Variants in CORO7 observed in about 807,000 individuals in gnomAD.
CORO7 encodes coronin-7.
Under a neutral mutation model 126.6 loss-of-function variants are expected in CORO7, and 107 were observed. The ratio of observed to expected loss-of-function variants is 0.85; its 90% CI spans 0.72 to 0.99. CORO7 has a LOEUF of 0.99. Among genes scored for constraint, CORO7 ranks in the 50% least tolerant of loss-of-function variants. CORO7 has a pLI of 0.00. For synonymous variants in CORO7, 603 were observed against 536.8 expected (o/e 1.12, Z -1.70); for missense variants, 1,314 against 1,255.8 (o/e 1.05, Z -0.70).
intron 9 of CORO7, among the ~76,000 whole-genome samples, chr16:4,387,488 G>C (rs1357873691): frequency 6.6e-6 from 1 of 151,888 alleles, no homozygotes; most frequent in Non-Finnish European, 1.5e-5. Context: ...TGTGGAGTAG[G>C]CCGCATAAAC....
intron 9 of CORO7, among the ~76,000 whole-genome samples, chr16:4,386,678 C>T (rs1279802650): frequency 2.0e-5 from 3 of 152,196 alleles, no homozygotes; most frequent in African/African-American, 7.2e-5. Flanking sequence ...CTCTTACCCT[C>T]CATATGGCTT....
chr16:4,362,883 G>T lies in CORO7; in HGVS notation c.1276-145C>A. ...GTGGGCATGCGACAGGAGCGGCGGGGGGCACGGGCATAAACGCAGACACAC... is the reference window on the plus strand; with the variant it reads ...GTGGGCATGCGACAGGAGCGGCGGGTGGCACGGGCATAAACGCAGACACAC... On this transcript the variant is annotated intron_variant, in intron 14 of 27. Transcript: ENST00000251166. The surrounding 1 kb of genome is among the most constrained non-coding windows in gnomAD (Gnocchi z 5.3). 1 of 970,652 alleles carries T rather than the reference G, an allele frequency of 1.0e-6. No homozygotes were observed. Among genetic ancestry groups the T allele is most frequent in the South Asian group, 4.4e-5 (1 of 22,748 alleles). The allele number at this position is 970,652 out of a possible 1,614,324, so 60.1% of individuals were successfully genotyped here. A position where few individuals can be genotyped will look rare whatever the true frequency, so the allele number is the denominator to read the frequency against.
At chr16:4,403,838 G>C (rs900957744) in intron 6 of CORO7, among the ~76,000 whole-genome samples, 1 of 152,204 alleles carries the variant, frequency 6.6e-6, no homozygotes, top group Non-Finnish European at 1.5e-5. Flanking sequence ...GTCCTGCTGA[G>C]ACTACCCAGG....
At chr16:4,411,885 C>A (rs916599383) in intron 3 of CORO7, among the ~76,000 whole-genome samples, 1 of 151,760 alleles carries the variant, frequency 6.6e-6, no homozygotes, top group Admixed American at 6.6e-5. Context: ...GGCTGCTGGA[C>A]GCCCCCAGAA....
chr16:4,415,951 G>T, intron 1 of CORO7: 3 of 948,438 alleles, frequency 3.2e-6, no homozygotes, highest in Non-Finnish European at 3.8e-6. Flanking sequence ...ACCCGAGGGA[G>T]GGGCGCGTGC....
Position 4,360,879 on chromosome 16 carries a change from C to T in CORO7, c.1917+64G>A, listed in dbSNP as rs559036057. The T allele has an allele frequency of 1.4e-5, 5 of 345,394 alleles. 1 individual carries two copies. In the Admixed American group the frequency reaches 2.5e-4, roughly 18 times the overall value. The allele number at this position is 345,394 out of a possible 1,614,324, so 21.4% of individuals were successfully genotyped here. ...CCCCGCCACTCCTCACTGCTGGCCC[C>T]ACCTCTCCACACTGCTGGCCCCGCC... On this transcript the variant is annotated intron_variant, in intron 19 of 27. Transcript: ENST00000251166.
Position 4,415,785 on chromosome 16 carries a change from C to T in CORO7, c.60+674G>A, listed in dbSNP as rs919471935. On this transcript the variant is annotated intron_variant, in intron 1 of 27. Coordinates refer to ENST00000251166, the MANE Select transcript of CORO7 (RefSeq NM_024535.5). ...GCGCACCCCTCATCAGTCCTCCTGC[C>T]GTTTCGGGGGTCCGAAGGGTCTCCC... 2.8e-5 allele frequency: 28 copies of T among 985,504 alleles called. No homozygotes were observed. The African/African-American group carries it at 4.2e-4, about 15-fold the overall frequency. The allele number at this position is 985,504 out of a possible 1,614,324, so 61.0% of individuals were successfully genotyped here. A position where few individuals can be genotyped will look rare whatever the true frequency, so the allele number is the denominator to read the frequency against.
At chr16:4,407,047 G>C (rs1457778708) in intron 5 of CORO7, among the ~76,000 whole-genome samples, 1 of 151,708 alleles carries the variant, frequency 6.6e-6, no homozygotes, top group African/African-American at 2.4e-5. Context: ...TCCTGGGTTG[G>C]AGCAATACTC....
intron 14 of CORO7, among the ~76,000 whole-genome samples, chr16:4,363,661 G>A (rs1328267821): frequency 6.6e-6 from 1 of 152,094 alleles, no homozygotes; most frequent in Non-Finnish European, 1.5e-5. Flanking sequence ...GCAGTGAGCC[G>A]AGATCGCACC....
chr16:4,410,043 A>C (rs1034482902), intron 3 of CORO7, among the ~76,000 whole-genome samples: 4 of 152,148 alleles, frequency 2.6e-5, no homozygotes, highest in African/African-American at 9.6e-5. Context: ...TCCAGCTTCT[A>C]CTTGAAGAGC....
At chr16:4,381,167 A>T (rs764007754) in intron 9 of CORO7, 4 of 1,611,604 alleles carry the variant, frequency 2.5e-6, no homozygotes, top group East Asian at 2.2e-5. Context: ...GGGGTCTTCC[A>T]GCCACTCGCC....
chr16:4,415,567 C>G (rs973983031), intron 1 of CORO7: 1 of 271,346 alleles, frequency 3.7e-6, no homozygotes, highest in Non-Finnish European at 5.6e-6. Flanking sequence ...CAGCTTAGCA[C>G]AGCATAAAGT....
intron 6 of CORO7, chr16:4,397,288 CAAA>C (rs1257309713): frequency 6.9e-6 from 1 of 145,652 alleles, no homozygotes; most frequent in Non-Finnish European, 1.5e-5. Flanking sequence ...ACCAAAAATA[CAAA>C]AATTAACCGG....
At chr16:4,366,372 G>A (rs2054347564) in intron 9 of CORO7, among the ~76,000 whole-genome samples, 1 of 152,000 alleles carries the variant, frequency 6.6e-6, no homozygotes, top group Non-Finnish European at 1.5e-5. Context: ...CGGGCTTTAT[G>A]CCTCCCTCCC....
chr16:4,381,972 G>T, intron 9 of CORO7: 1 of 1,608,232 alleles, frequency 6.2e-7, no homozygotes, highest in Non-Finnish European at 8.5e-7. Context: ...GGCCCGTGGT[G>T]CGGGAGCCCA....
At chr16:4,371,904 G>C (rs1320227702) in intron 9 of CORO7, 1 of 152,076 alleles carries the variant, frequency 6.6e-6, no homozygotes, top group Non-Finnish European at 1.5e-5. Flanking sequence ...AGTTGCTTCG[G>C]GACCCAGGAC....
At chr16:4,408,316 C>A (rs1220580550) in intron 3 of CORO7, 65 bp from the exon 4 acceptor site, 1 of 1,608,822 alleles carries the variant, frequency 6.2e-7, no homozygotes, top group Non-Finnish European at 8.5e-7. Context: ...GAAGCAAAGC[C>A]CAGGGCTTCC....
At position 4,407,518 on chromosome 16, in the gene CORO7, T is replaced by C; in HGVS notation, c.470A>G (p.Lys157Arg). The C allele has an allele frequency of 6.4e-7, 1 of 1,570,644 alleles. No individual in the cohort carries two copies. The change falls in exon 5 of 28, where the codon AAG (lysine) becomes AGG (arginine). Residue 157 changes from lysine to arginine, a missense_variant. Transcript: ENST00000251166. ...GTTVKVWDAAKQQPLTELAAH... is the reference protein window; with the variant it reads ...GTTVKVWDAARQQPLTELAAH... ...GCCTGTACCTGTCAGGGGCTGCTGC[T>C]TGGCTGCGTCCCAGACCTTCACAGT...
intron 1 of CORO7, among the ~76,000 whole-genome samples, chr16:4,414,588 T>C (rs1158270715): frequency 6.6e-6 from 1 of 152,152 alleles, no homozygotes; most frequent in African/African-American, 2.4e-5. Context: ...TCCCTCCTGA[T>C]TCATGTTTAC....
Sources: gnomAD v4.1 joint callset for allele counts (sites outside exome capture counted in the v4.1 genomes callset) on GRCh38, gnomAD v4.1.1 for gene constraint, Gnocchi (gnomAD v3.1) non-coding constraint, MANE v1.5 for transcripts, NCBI Gene and HGNC (gene_info 2026-07-23, HGNC 2026-07-21) for gene names.